The following OSTF1 variants were observed in gnomAD, a reference collection of about 807,000 sequenced individuals.
OSTF1 encodes the protein osteoclast-stimulating factor 1.
OSTF1 carries 27 observed loss-of-function variants against 37.2 expected under a neutral mutation model. That is an observed-to-expected ratio of 0.73 (90% CI 0.54 to 1.00). OSTF1 has a LOEUF of 1.00. Among genes scored for constraint, OSTF1 ranks in the 50% least tolerant of loss-of-function variants. The pLI, the probability that OSTF1 is intolerant of heterozygous loss-of-function variation, is 0.00. For synonymous variants in OSTF1, 82 were observed against 89.2 expected, an observed-to-expected ratio of 0.92 and a Z score of 0.46; for missense variants, 232 against 253.8, an observed-to-expected ratio of 0.91 and a Z score of 0.58.
chr9:75,141,850 T>A (rs1345161972), intron 9 of OSTF1, among the ~76,000 whole-genome samples: 1 of 152,154 alleles, frequency 6.6e-6, no homozygotes, highest in African/African-American at 2.4e-5. Flanking sequence ...TAGGCTCACG[T>A]GATCCTCCCA....
intron 1 of OSTF1, among the ~76,000 whole-genome samples, chr9:75,113,000 T>C (rs1370537867): frequency 2.6e-5 from 4 of 152,096 alleles, no homozygotes; most frequent in Admixed American, 2.6e-4. Flanking sequence ...TGGTGTTTCC[T>C]TTCTTCAGTC....
In OSTF1 at chr9:75,127,614, G is replaced by C. The variant is rs752476628; in HGVS notation, c.127G>C (p.Asp43His). The C allele has an allele frequency of 6.4e-7, 1 of 1,552,988 alleles. No homozygotes were observed. The highest frequency in any genetic ancestry group is 1.2e-5 in the South Asian group (1 of 85,658). ...GGAAGGTGATATTATCTACATTACTGACATGGTAAGTCCAGATAACATCTT... is the reference window on the plus strand; with the variant it reads ...GGAAGGTGATATTATCTACATTACTCACATGGTAAGTCCAGATAACATCTT... ...FEEGDIIYIT[D>H]MSDTNWWKGT... is the part of the protein sequence containing the mutation. Residue 43 changes from aspartate to histidine, a missense_variant, in exon 3 of 10, where the codon GAC becomes CAC. Physicochemically the swap from Asp to His is moderately conservative, Grantham distance 81. Transcript: ENST00000346234.
At position 75,117,545 on chromosome 9, in the gene OSTF1, A is replaced by C. The variant is rs756350626; in HGVS notation, c.76A>C (p.Arg26=). The C allele has an allele frequency of 3.7e-6, 6 of 1,606,396 alleles. No individual in the cohort carries two copies. Among genetic ancestry groups the C allele is most frequent in the Admixed American group, 1.7e-5 (1 of 59,688 alleles). ...VFRALYTFEP[R]TPDELYFEEG... ...CAGAGCCCTGTATACGTTTGAACCC[A>C]GAACTGTAAGTGTTCAGTTTTTAAC... The change falls in exon 2 of 10, where the codon AGA becomes CGA. Residue 26 remains arginine (R), a synonymous_variant. Coordinates refer to ENST00000346234, the MANE Select transcript of OSTF1 (RefSeq NM_012383.5).
intron 1 of OSTF1, among the ~76,000 whole-genome samples, chr9:75,092,974 A>G (rs1015079934): frequency 1.1e-4 from 17 of 151,754 alleles, no homozygotes; most frequent in Non-Finnish European, 1.9e-4. Context: ...ATGGTACTCT[A>G]CTAAGATGTG....
chr9:75,124,288 T>C (rs1825628243), intron 2 of OSTF1, among the ~76,000 whole-genome samples: 1 of 152,240 alleles, frequency 6.6e-6, no homozygotes, highest in African/African-American at 2.4e-5. Context: ...AATCCAATTA[T>C]ACTCTTAGTT....
chr9:75,117,577 A>G, intron 2 of OSTF1, 27 bp downstream of exon 2: 1 of 1,523,322 alleles, frequency 6.6e-7, no homozygotes, highest in East Asian at 2.3e-5. Flanking sequence ...TAACTTCTAA[A>G]ATTGACAGAA....
At chr9:75,137,780 T>A (rs540012271) in intron 8 of OSTF1, among the ~76,000 whole-genome samples, 164 bp downstream of exon 8, 1 of 152,296 alleles carries the variant, frequency 6.6e-6, no homozygotes, top group African/African-American at 2.4e-5. Context: ...AAAATAAAAT[T>A]ATTGGGGGTT....
intron 1 of OSTF1, among the ~76,000 whole-genome samples, chr9:75,111,566 A>G (rs1469877112): frequency 1.3e-5 from 2 of 152,170 alleles, no homozygotes. Context: ...AAAGCCTCAG[A>G]CAAAAGATTG....
intron 9 of OSTF1, among the ~76,000 whole-genome samples, chr9:75,141,149 A>C (rs1395503769): frequency 6.6e-6 from 1 of 151,962 alleles, no homozygotes; most frequent in Non-Finnish European, 1.5e-5. Flanking sequence ...AAAGTACCAA[A>C]AATTAGTCAG....
chr9:75,088,524 G>T lies in OSTF1; in HGVS notation c.-169G>T, dbSNP rs1327038554. On this transcript the variant is annotated 5_prime_UTR_variant, in exon 1 of 10. Transcript: ENST00000346234. ...GGGGCGGGGCGGAGCACTCGGCGGA[G>T]CCGCTCTGCCTGCGTCCGCTCTTCC... The T allele has an allele frequency of 2.8e-6, 2 of 709,696 alleles. No individual in the cohort carries two copies. The highest frequency in any genetic ancestry group is 2.8e-5 in the East Asian group (1 of 36,024). The allele number at this position is 709,696 out of a possible 1,614,324, so 44.0% of individuals were successfully genotyped here.
chr9:75,124,406 C>T (rs547105526), intron 2 of OSTF1, among the ~76,000 whole-genome samples: 4 of 152,246 alleles, frequency 2.6e-5, no homozygotes, highest in South Asian at 4.1e-4. Flanking sequence ...TAACCATCCC[C>T]GTCTCCCCCC....
intron 9 of OSTF1, among the ~76,000 whole-genome samples, chr9:75,141,510 C>G (rs1171653245): frequency 6.6e-6 from 1 of 152,014 alleles, no homozygotes; most frequent in African/African-American, 2.4e-5. Flanking sequence ...ACCCTGCTTT[C>G]CATTACAGTC....
intron 1 of OSTF1, among the ~76,000 whole-genome samples, chr9:75,116,900 A>G (rs946752995): frequency 6.6e-6 from 1 of 152,140 alleles, no homozygotes; most frequent in Non-Finnish European, 1.5e-5. Context: ...ATTAAAAAAT[A>G]TCTCCTATGT....
intron 2 of OSTF1, among the ~76,000 whole-genome samples, chr9:75,118,584 G>A (rs980260844): frequency 2.6e-5 from 4 of 152,116 alleles, no homozygotes; most frequent in African/African-American, 4.8e-5. Context: ...GGGAGAAGGG[G>A]TGTATGAGTC....
At position 75,133,336 on chromosome 9, in the gene OSTF1, G is replaced by A; in HGVS notation, c.293G>A (p.Gly98Asp). The A allele has an allele frequency of 6.2e-7, 1 of 1,613,166 alleles. No homozygotes were observed. The highest frequency in any genetic ancestry group is 8.5e-7 in the Non-Finnish European group (1 of 1,179,244). Residue 98 changes from glycine to aspartate, a missense_variant, in exon 6 of 10, where the codon GGT becomes GAT. Transcript: ENST00000346234. The part of the protein sequence containing the change: ...WLRECLDNRV[G>D]VNGLDKAGST... Reference sequence around the variant, plus strand: ...AGAGAGTGTTTGGACAACAGAGTGGGTGTTAATGGCTTAGACAAAGCTGGA... The same window carrying A: ...AGAGAGTGTTTGGACAACAGAGTGGATGTTAATGGCTTAGACAAAGCTGGA...
At chr9:75,091,514 A>G (rs1824975264) in intron 1 of OSTF1, among the ~76,000 whole-genome samples, 1 of 152,200 alleles carries the variant, frequency 6.6e-6, no homozygotes, top group African/African-American at 2.4e-5. Context: ...ATGCACATAA[A>G]GGTCAGCCCC....
rs190988250 is a variant in OSTF1, at chr9:75,107,277, C to G, written c.35-10227C>G. ...TATTTAGTAGAATAATTCAAATATG[C>G]CTCATAGAAATAATTAATACTTTTT... On this transcript the variant is annotated intron_variant, in intron 1 of 9. Coordinates refer to ENST00000346234, the MANE Select transcript of OSTF1 (RefSeq NM_012383.5). Among the ~76,000 whole-genome samples, 182 of 152,210 alleles carry G rather than the reference C, an allele frequency of 1.2e-3. 2 individuals are homozygous for G. Among genetic ancestry groups the G allele is most frequent in the Non-Finnish European group, 2.9e-4 (20 of 68,012 alleles).
intron 5 of OSTF1, 117 bp from the exon 6 acceptor site, chr9:75,133,177 T>A (rs1316303544): frequency 4.7e-6 from 3 of 633,706 alleles, no homozygotes; most frequent in Non-Finnish European, 8.5e-6. Context: ...CTTAATTTAA[T>A]ACTTGCTGAT....
At chr9:75,142,622 T>C (rs940718660) in intron 9 of OSTF1, among the ~76,000 whole-genome samples, 2 of 152,060 alleles carry the variant, frequency 1.3e-5, no homozygotes, top group African/African-American at 4.8e-5. Flanking sequence ...GCAGCCTTCG[T>C]AGAACAGGGC....
Sources: gnomAD v4.1 joint callset for allele counts (sites outside exome capture counted in the v4.1 genomes callset) on GRCh38, gnomAD v4.1.1 for gene constraint, MANE v1.5 for transcripts, NCBI Gene and HGNC (gene_info 2026-07-23, HGNC 2026-07-21) for gene names.